The following ATP2C1 variants were observed in gnomAD, a reference collection of about 807,000 sequenced individuals.
ATP2C1 encodes calcium-transporting ATPase type 2C member 1.
Under a neutral mutation model 120.5 loss-of-function variants are expected in ATP2C1, and 31 were observed. That is an observed-to-expected ratio of 0.26 (90% CI 0.19 to 0.35). ATP2C1 has a LOEUF of 0.35. ATP2C1 is among the 10% of genes least tolerant of loss of function. The pLI, the probability that ATP2C1 is intolerant of heterozygous loss-of-function variation, is 1.00. For synonymous variants in ATP2C1, 351 were observed against 358.7 expected (o/e 0.98, Z 0.24); for missense variants, 731 against 1,107.5 (o/e 0.66, Z 4.83).
chr3:130,882,963 G>T (rs2068833872), intron 1 of ATP2C1, among the ~76,000 whole-genome samples: 1 of 152,182 alleles, frequency 6.6e-6, no homozygotes, highest in African/African-American at 2.4e-5. Flanking sequence ...ATTCAGCAGT[G>T]AAGCCATCAG....
At chr3:130,866,298 C>T (rs996589222) in intron 1 of ATP2C1, among the ~76,000 whole-genome samples, 2 of 152,072 alleles carry the variant, frequency 1.3e-5, no homozygotes, top group Non-Finnish European at 2.9e-5. Flanking sequence ...TTGCTCTGTC[C>T]CCAACATAAA....
intron 20 of ATP2C1, among the ~76,000 whole-genome samples, chr3:130,985,317 T>C (rs764445000): frequency 6.6e-6 from 1 of 152,000 alleles, no homozygotes. Context: ...CAATTTAAAA[T>C]AGCGGAAAAG....
At chr3:130,879,507 A>G (rs1229612295) in intron 1 of ATP2C1, among the ~76,000 whole-genome samples, 1 of 152,022 alleles carries the variant, frequency 6.6e-6, no homozygotes, top group Non-Finnish European at 1.5e-5. Context: ...GAAGATAATT[A>G]TTTTGAATTT....
intron 2 of ATP2C1, among the ~76,000 whole-genome samples, chr3:130,903,597 A>C (rs2108018268): frequency 6.6e-6 from 1 of 151,690 alleles, no homozygotes; most frequent in South Asian, 2.1e-4. Context: ...GGAATCTAAA[A>C]AAACTTTCTT....
intron 2 of ATP2C1, among the ~76,000 whole-genome samples, chr3:130,922,283 T>A (rs2059006256): frequency 6.6e-6 from 1 of 152,220 alleles, no homozygotes; most frequent in Admixed American, 6.5e-5. Context: ...ATCTTTTCTA[T>A]TTCTGTGTTA....
chr3:130,897,688 T>C (rs2069753769), intron 2 of ATP2C1, among the ~76,000 whole-genome samples: 1 of 152,186 alleles, frequency 6.6e-6, no homozygotes, highest in Non-Finnish European at 1.5e-5. Flanking sequence ...GTATTTTCTT[T>C]GGCACTTCGG....
chr3:130,853,399 T>C (rs546716449), intron 1 of ATP2C1, among the ~76,000 whole-genome samples: 2 of 152,340 alleles, frequency 1.3e-5, no homozygotes, highest in East Asian at 1.9e-4. Flanking sequence ...TGTTATTGAA[T>C]GTAGTGTCTG....
chr3:130,850,907 A>G, exon 1 of ATP2C1: 3 of 1,421,024 alleles, frequency 2.1e-6, no homozygotes, highest in South Asian at 3.2e-5. Context: ...CGACGCTGAG[A>G]AACCAAAGAG....
At chr3:130,954,985 A>T (rs2060517325) in intron 9 of ATP2C1, 27 bp from the exon 10 acceptor site, 3 of 1,549,108 alleles carry the variant, frequency 1.9e-6, no homozygotes, top group Non-Finnish European at 2.7e-6. Flanking sequence ...TCTGGATGTA[A>T]ATGTATTTTC....
At chr3:130,867,399 C>A (rs909310466) in intron 1 of ATP2C1, among the ~76,000 whole-genome samples, 4 of 150,624 alleles carry the variant, frequency 2.7e-5, no homozygotes, top group Non-Finnish European at 5.9e-5. Context: ...CGGCTCACTG[C>A]AACCTCCCTG....
chr3:130,985,899 GT>G (rs2061987488), intron 20 of ATP2C1, among the ~76,000 whole-genome samples: 2 of 152,086 alleles, frequency 1.3e-5, no homozygotes, highest in Non-Finnish European at 2.9e-5. Context: ...TGGCACTGCT[GT>G]TTTTGAAATT....
At chr3:130,975,597 G>T in intron 18 of ATP2C1, 109 bp downstream of exon 18, 2 of 1,286,204 alleles carry the variant, frequency 1.6e-6, no homozygotes, top group Non-Finnish European at 2.2e-6. Flanking sequence ...TCCAGGATTT[G>T]TAGAACCCTT....
chr3:130,911,320 C>T (rs1489839468), intron 2 of ATP2C1, among the ~76,000 whole-genome samples: 1 of 149,748 alleles, frequency 6.7e-6, no homozygotes, highest in Admixed American at 6.7e-5. Flanking sequence ...TTTATTGTGT[C>T]TATTTGATTC....
chr3:130,931,894 C>T, intron 3 of ATP2C1, 128 bp from the exon 4 acceptor site: 1 of 682,708 alleles, frequency 1.5e-6, no homozygotes, highest in Non-Finnish European at 2.6e-6. Flanking sequence ...ATAGGTTGCT[C>T]TCATAATAGA....
intron 2 of ATP2C1, among the ~76,000 whole-genome samples, chr3:130,920,708 T>C (rs1559924556): frequency 1.3e-5 from 2 of 152,194 alleles, no homozygotes; most frequent in African/African-American, 4.8e-5. Context: ...TCCATTTCTA[T>C]AAAAAATACC....
rs750336679 is a variant in ATP2C1, at chr3:131,016,276, G to A, written c.*87G>A. 8.1e-6 allele frequency: 13 copies of A among 1,613,870 alleles called. No individual in the cohort carries two copies. The highest frequency in any genetic ancestry group is 4.4e-5 in the South Asian group (4 of 91,070). ...CAGTCTTGTGCCCAGCCGTGTCTGC[G>A]CCTTCACTCTTTGGAACTCTGCATA... On this transcript the variant is annotated 3_prime_UTR_variant, in exon 27 of 27. Coordinates refer to the ATP2C1 transcript ENST00000328560.
intron 26 of ATP2C1, among the ~76,000 whole-genome samples, chr3:131,009,553 C>G (rs965689287): frequency 3.9e-5 from 6 of 152,170 alleles, no homozygotes; most frequent in African/African-American, 1.4e-4. Context: ...ATTTACTTCT[C>G]TCATTTTAAC....
chr3:130,930,435 T>TA lies in ATP2C1; in HGVS notation c.27dup (p.Pro10ThrfsTer2). 1 of 1,612,274 alleles carries TA rather than the reference T, an allele frequency of 6.2e-7. No homozygotes were observed. The highest frequency in any genetic ancestry group is 8.5e-7 in the Non-Finnish European group (1 of 1,178,384). On this transcript the variant is annotated frameshift_variant, in exon 3 of 28. Coordinates refer to ENST00000510168, the MANE Select transcript of ATP2C1 (RefSeq NM_001378687.1). LOFTEE classifies it high-confidence loss of function. ...TCCTAGGTTGCACGTTTTCAAAAAATACCTAATGGTGAAAATGAGACAATG... is the reference window on the plus strand; with the variant it reads ...TCCTAGGTTGCACGTTTTCAAAAAATAACCTAATGGTGAAAATGAGACAATG...
At chr3:130,885,392 A>G (rs1164920591) in intron 1 of ATP2C1, among the ~76,000 whole-genome samples, 1 of 151,858 alleles carries the variant, frequency 6.6e-6, no homozygotes, top group Non-Finnish European at 1.5e-5. Flanking sequence ...TGTGTTTTCT[A>G]GTTGTTTTGT....
Sources: gnomAD v4.1 joint callset for allele counts (sites outside exome capture counted in the v4.1 genomes callset) on GRCh38, gnomAD v4.1.1 for gene constraint, MANE v1.5 for transcripts, NCBI Gene and HGNC (gene_info 2026-07-23, HGNC 2026-07-21) for gene names.